Variants in EPG5 observed in about 807,000 individuals in gnomAD.
EPG5 encodes the protein ectopic P-granules 5 autophagy tethering factor.
A neutral mutation model predicts 302.7 loss-of-function variants in EPG5; 159 were observed. That is an observed-to-expected ratio of 0.53 (90% confidence interval 0.46 to 0.60). The LOEUF (loss-of-function observed/expected upper bound fraction) is 0.60. Ranked by LOEUF, EPG5 falls within the 20% of genes least tolerant of loss-of-function variation. EPG5 has a pLI of 0.00. For synonymous variants in EPG5, 1,158 were observed against 1,136.8 expected (o/e 1.02, Z -0.37); for missense variants, 2,896 against 3,092.4 (o/e 0.94, Z 1.51).
Position 45,879,087 on chromosome 18 carries a change from C to T in EPG5, c.5795G>A (p.Gly1932Asp). 5.6e-6 allele frequency: 9 copies of T among 1,614,098 alleles called. No homozygotes were observed. The highest frequency in any genetic ancestry group is 7.6e-6 in the Non-Finnish European group (9 of 1,180,018). The change falls in exon 33 of 44, where the codon GGC becomes GAC. Residue 1932 changes from glycine (G) to aspartate (D), a missense_variant. Transcript: ENST00000282041. ...PYMADVKTFLGYLVKRLIDLE... is the reference protein window; with the variant it reads ...PYMADVKTFLDYLVKRLIDLE... ...GTCAATCAGCCTTTTCACAAGGTAG[C>T]CCAAGAATGTCTTCACATCAGCCAT...
At chr18:45,888,932 C>T (rs1292271102) in intron 28 of EPG5, among the ~76,000 whole-genome samples, 1 of 152,028 alleles carries the variant, frequency 6.6e-6, no homozygotes, top group Non-Finnish European at 1.5e-5. Flanking sequence ...ATTTTAAAAT[C>T]CAAAACACTG....
At position 45,882,413 on chromosome 18, in the gene EPG5, G is replaced by GTGAA. The variant is rs1555667231; in HGVS notation, c.5375_5378dup (p.Leu1794SerfsTer10). Reference sequence around the variant, plus strand: ...CAAGGCCCCAGGCAGTAAGTGCCAAGTGAATGGACTCCAGAAGCCTGGTAC... The same window carrying GTGAA: ...CAAGGCCCCAGGCAGTAAGTGCCAAGTGAATGAATGGACTCCAGAAGCCTGGTAC... On this transcript the variant is annotated frameshift_variant, in exon 31 of 44. Coordinates refer to ENST00000282041, the MANE Select transcript of EPG5 (RefSeq NM_020964.3). LOFTEE classifies it high-confidence loss of function. 1 of 1,614,194 alleles carries GTGAA rather than the reference G, an allele frequency of 6.2e-7. No homozygotes were observed. The highest frequency in any genetic ancestry group is 8.5e-7 in the Non-Finnish European group (1 of 1,180,028).
the EPG5 span, among the ~76,000 whole-genome samples, chr18:45,826,794 G>A: frequency 6.6e-6 from 1 of 152,178 alleles, no homozygotes; most frequent in Non-Finnish European, 1.5e-5. Context: ...ACTCAGACTG[G>A]AGTCCAGCTC....
chr18:45,912,583 G>T, intron 21 of EPG5, 127 bp from the exon 22 acceptor site: 1 of 1,035,026 alleles, frequency 9.7e-7, no homozygotes, highest in Non-Finnish European at 1.4e-6. Context: ...TTTTTTAAAA[G>T]TCACATAAAA....
chr18:45,806,575 C>T, the EPG5 span, among the ~76,000 whole-genome samples: 1 of 152,130 alleles, frequency 6.6e-6, no homozygotes, highest in Non-Finnish European at 1.5e-5. Context: ...TCCCCACCCC[C>T]ACACCCCAAC....
Position 45,907,966 on chromosome 18 carries a change from T to C in EPG5, c.4321A>G (p.Asn1441Asp). The C allele has an allele frequency of 6.4e-7, 1 of 1,568,680 alleles. No individual in the cohort carries two copies. Among genetic ancestry groups the C allele is most frequent in the Non-Finnish European group, 8.6e-7 (1 of 1,166,924 alleles). ...GAGGGCTATAATTTCACCTGCTGAT[T>C]CTGCATCACTTTTGCTAGCCTGTGA... ...DIHRLAKVMQ[N>D]QQDLWMEYLN... The change falls in exon 24 of 44, where the codon AAT (asparagine) becomes GAT (aspartate). Residue 1441 changes from asparagine to aspartate, a missense_variant. Transcript: ENST00000282041.
the EPG5 span, among the ~76,000 whole-genome samples, chr18:45,830,583 C>CTTTTTTTTTTTTTTTTTTTTTT: frequency 1.0e-5 from 1 of 96,702 alleles, no homozygotes; most frequent in South Asian, 3.7e-4. Flanking sequence ...ATTTTTCTTT[C>CTTTTTTTTTTTTTTTTTTTTTT]TTTTTTTTTT....
At position 45,923,290 on chromosome 18, in the gene EPG5, AT is replaced by A; in HGVS notation, c.2815del (p.Ile939PhefsTer6). 1 of 1,613,992 alleles carries A rather than the reference AT, an allele frequency of 6.2e-7. No homozygotes were observed. The highest frequency in any genetic ancestry group is 8.5e-7 in the Non-Finnish European group (1 of 1,179,946). ...KYLAQKPYAG[I>X]LSESMKQVSY... Reference sequence around the variant, plus strand: ...TACCTGCTTCATACTTTCAGAGAGAATCCCAGCATATGGCTTCTGTGCAAGG... The same window carrying A: ...TACCTGCTTCATACTTTCAGAGAGAACCCAGCATATGGCTTCTGTGCAAGG... On this transcript the variant is annotated frameshift_variant, in exon 15 of 44. Coordinates refer to ENST00000282041, the MANE Select transcript of EPG5 (RefSeq NM_020964.3). LOFTEE classifies it high-confidence loss of function.
chr18:45,883,012 C>CAAAAAAAA (rs35030980), intron 30 of EPG5, among the ~76,000 whole-genome samples: 29 of 87,370 alleles, frequency 3.3e-4, no homozygotes, highest in African/African-American at 1.1e-3. Flanking sequence ...CGTCTCACAA[C>CAAAAAAAA]AAAAAAAAAA....
chr18:45,895,774 A>G (rs1009371235), intron 27 of EPG5, among the ~76,000 whole-genome samples: 13 of 152,256 alleles, frequency 8.5e-5, no homozygotes, highest in African/African-American at 2.9e-4. Context: ...AGTTTTATGT[A>G]TAAAAATAAC....
At chr18:45,955,506 ATG>A (rs756748134) in intron 1 of EPG5, among the ~76,000 whole-genome samples, 168 bp from the exon 2 acceptor site, 39 of 152,202 alleles carry the variant, frequency 2.6e-4, no homozygotes, top group Non-Finnish European at 4.7e-4. Flanking sequence ...TGAAACAGAA[ATG>A]TGTTTCATAT....
At chr18:45,879,483 T>C (rs1419862660) in intron 32 of EPG5, among the ~76,000 whole-genome samples, 1 of 152,214 alleles carries the variant, frequency 6.6e-6, no homozygotes, top group Non-Finnish European at 1.5e-5. Context: ...TTCTCCTACC[T>C]CAGCCTCCTG....
At chr18:45,826,139 C>T in the EPG5 span, among the ~76,000 whole-genome samples, 2 of 151,784 alleles carry the variant, frequency 1.3e-5, no homozygotes, top group East Asian at 1.9e-4. Context: ...ACCCAAGTGC[C>T]GTGTGTTTTG....
chr18:45,829,588 C>T, the EPG5 span, among the ~76,000 whole-genome samples: 1 of 152,124 alleles, frequency 6.6e-6, no homozygotes, highest in African/African-American at 2.4e-5. Context: ...CTCTCCTGGC[C>T]CTCCAGGTGT....
At chr18:45,838,416 C>T in the EPG5 span, 105 of 486,414 alleles carry the variant, frequency 2.2e-4, 1 homozygote, top group Middle Eastern at 2.1e-3. Flanking sequence ...ACAATAATGG[C>T]CACTTAGCAT....
the EPG5 span, among the ~76,000 whole-genome samples, chr18:45,812,449 C>T: frequency 1.3e-5 from 2 of 152,224 alleles, no homozygotes; most frequent in South Asian, 2.1e-4. Context: ...AAAAAAGGGC[C>T]CTCATTGCCA....
rs61449207 is a variant in EPG5, at chr18:45,956,464, T to TATTTA, written c.64-1127_64-1126insTAAAT. 7.9e-3 allele frequency among the ~76,000 whole-genome samples: 1,194 copies of TATTTA among 151,876 alleles called. 7 individuals are homozygous for TATTTA. Among genetic ancestry groups the TATTTA allele is most frequent in the African/African-American group, 0.022 (922 of 41,412 alleles). On this transcript the variant is annotated intron_variant, in intron 1 of 43. Coordinates refer to ENST00000282041, the MANE Select transcript of EPG5 (RefSeq NM_020964.3). ...CTTTAGGGTGTTTTATTTATTTATT[T>TATTTA]TTTTTTTTTTGAGACGGAATCTTGC... is the stretch of plus-strand genomic sequence containing the variant.
chr18:45,873,758 TTC>T (rs2145339727), intron 35 of EPG5, among the ~76,000 whole-genome samples: 1 of 152,250 alleles, frequency 6.6e-6, no homozygotes, highest in African/African-American at 2.4e-5. Flanking sequence ...AGAATAACAT[TTC>T]TGTTATTCTA....
At chr18:45,904,489 C>A (rs2049699990) in intron 24 of EPG5, among the ~76,000 whole-genome samples, 1 of 152,178 alleles carries the variant, frequency 6.6e-6, no homozygotes, top group East Asian at 1.9e-4. Context: ...TAGATCAAGA[C>A]ACTAAATCCA....
Sources: allele counts gnomAD v4.1 joint callset (sites outside exome capture counted in the v4.1 genomes callset), GRCh38; gene constraint gnomAD v4.1.1; transcripts MANE v1.5; gene names NCBI Gene and HGNC (gene_info 2026-07-23, HGNC 2026-07-21).